SMG6: variants seen among roughly 807,000 people sequenced by gnomAD.
SMG6 encodes the protein SMG6 nonsense mediated mRNA decay factor, also known as telomerase-binding protein EST1A.
Under a neutral mutation model 142.2 loss-of-function variants are expected in SMG6, and 66 were observed. The observed-to-expected ratio is 0.46, with a 90% CI of 0.38 to 0.57. The LOEUF is 0.57. Ranked by LOEUF, SMG6 falls within the 20% of genes least tolerant of loss-of-function variation. The pLI, the probability that SMG6 is intolerant of heterozygous loss-of-function variation, is 0.00. For synonymous variants in SMG6, 779 were observed against 702.4 expected, an observed-to-expected ratio of 1.11 and a Z score of -1.72; for missense variants, 1,793 against 1,832.0, an observed-to-expected ratio of 0.98 and a Z score of 0.39.
intron 13 of SMG6, among the ~76,000 whole-genome samples, chr17:2,093,309 G>A (rs556352018): frequency 2.8e-4 from 43 of 152,198 alleles, no homozygotes; most frequent in Non-Finnish European, 4.9e-4. Context: ...TATGGTCCGA[G>A]CTAACTAGGA....
At chr17:2,234,101 T>A (rs1429059243) in intron 10 of SMG6, among the ~76,000 whole-genome samples, 1 of 152,144 alleles carries the variant, frequency 6.6e-6, no homozygotes, top group Non-Finnish European at 1.5e-5. Flanking sequence ...TATTTTTCCA[T>A]GTCTCTCCTG....
Position 2,061,351 on chromosome 17 carries a change from C to T in SMG6, c.*141G>A. 3 of 826,346 alleles carry T rather than the reference C, an allele frequency of 3.6e-6. No individual in the cohort carries two copies. The highest frequency in any genetic ancestry group is 5.6e-6 in the Non-Finnish European group (3 of 538,032). The allele number at this position is 826,346 out of a possible 1,614,324, so 51.2% of individuals were successfully genotyped here. A position where few individuals can be genotyped will look rare whatever the true frequency, so the allele number is the denominator to read the frequency against. ...GAGGAGCAGGTCCCCCACAGCATGG[C>T]CGTGGCGTGGGTTGGAAGAGGATGG... On this transcript the variant is annotated 3_prime_UTR_variant, in exon 19 of 19. Transcript: ENST00000263073.
intron 13 of SMG6, among the ~76,000 whole-genome samples, chr17:2,102,051 C>A (rs1333990401): frequency 6.6e-6 from 1 of 152,166 alleles, no homozygotes; most frequent in Non-Finnish European, 1.5e-5. Flanking sequence ...GTGGGTGACA[C>A]GCCACAGTCT....
intron 10 of SMG6, 26 bp from the exon 11 acceptor site, chr17:2,188,541 A>C: frequency 4.8e-5 from 76 of 1,597,664 alleles, no homozygotes; most frequent in Non-Finnish European, 5.9e-5. Context: ...TGAAACTCTC[A>C]GCGCCCCAGG....
intron 8 of SMG6, among the ~76,000 whole-genome samples, chr17:2,268,356 T>C (rs2074469386): frequency 6.6e-6 from 1 of 152,166 alleles, no homozygotes; most frequent in South Asian, 2.1e-4. Context: ...TGATCTATAA[T>C]TGTTTTGCGG....
chr17:2,158,753 C>T (rs540894278), intron 13 of SMG6, among the ~76,000 whole-genome samples: 3 of 150,762 alleles, frequency 2.0e-5, no homozygotes, highest in African/African-American at 4.9e-5. Flanking sequence ...CATGGCTCTA[C>T]GAAAATTACA....
intron 10 of SMG6, chr17:2,229,455 C>A (rs1399918423): frequency 1.3e-5 from 2 of 152,024 alleles, no homozygotes; most frequent in African/African-American, 4.8e-5. Context: ...TTTCTTTTTT[C>A]TGATATCAAA....
intron 9 of SMG6, chr17:2,237,590 C>T: frequency 1.0e-6 from 1 of 985,068 alleles, no homozygotes. Context: ...TGTTTTCAGG[C>T]CAGTGGAAAT....
intron 12 of SMG6, among the ~76,000 whole-genome samples, chr17:2,178,794 A>G (rs2071722016): frequency 6.6e-6 from 1 of 152,100 alleles, no homozygotes; most frequent in African/African-American, 2.4e-5. Context: ...CCCCTAGGGG[A>G]TCCTGACATC....
intron 8 of SMG6, among the ~76,000 whole-genome samples, chr17:2,253,119 TTTTATTTATTTATTTATTTA>T (rs10528623): frequency 7.7e-6 from 1 of 130,652 alleles, no homozygotes; most frequent in Non-Finnish European, 1.6e-5. Flanking sequence ...AAATATTTTA[TTTTATTTATTTATTTATTTA>T]TTTATTTATT....
chr17:2,064,825 C>T (rs2067891062), intron 18 of SMG6, among the ~76,000 whole-genome samples: 1 of 152,062 alleles, frequency 6.6e-6, no homozygotes, highest in African/African-American at 2.4e-5. Context: ...GGGTGAAGAA[C>T]CTCGCGGCCT....
intron 13 of SMG6, among the ~76,000 whole-genome samples, chr17:2,104,636 G>A (rs2069105030): frequency 7.3e-6 from 1 of 136,814 alleles, no homozygotes; most frequent in African/African-American, 3.1e-5. Context: ...CTTTCTTGGT[G>A]GCCTAAATAT....
intron 8 of SMG6, among the ~76,000 whole-genome samples, chr17:2,265,314 A>G (rs771407568): frequency 2.0e-5 from 3 of 152,200 alleles, no homozygotes; most frequent in Non-Finnish European, 4.4e-5. Context: ...GTTCGAGACC[A>G]GACTGGCCAA....
chr17:2,147,892 C>A (rs1210917703), intron 13 of SMG6, among the ~76,000 whole-genome samples: 2 of 152,120 alleles, frequency 1.3e-5, no homozygotes, highest in Non-Finnish European at 2.9e-5. Flanking sequence ...GACGATTCTT[C>A]AAAAAATTAA....
intron 8 of SMG6, among the ~76,000 whole-genome samples, chr17:2,273,944 G>C (rs756870279): frequency 1.1e-4 from 16 of 152,198 alleles, no homozygotes; most frequent in Non-Finnish European, 1.8e-4. Flanking sequence ...TGAATTTATT[G>C]AATGTATAGA....
At chr17:2,094,893 A>C (rs922319052) in intron 13 of SMG6, 2 of 152,208 alleles carry the variant, frequency 1.3e-5, no homozygotes, top group African/African-American at 4.8e-5. Flanking sequence ...GACAGAAACT[A>C]TTCTTTTCTA....
At chr17:2,247,407 T>G (rs912264631) in intron 8 of SMG6, among the ~76,000 whole-genome samples, 1 of 152,244 alleles carries the variant, frequency 6.6e-6, no homozygotes, top group Admixed American at 6.5e-5. Context: ...AATCATAAAT[T>G]GGTTAATTCA....
At chr17:2,132,407 T>C (rs2070152234) in intron 13 of SMG6, among the ~76,000 whole-genome samples, 1 of 152,308 alleles carries the variant, frequency 6.6e-6, no homozygotes, top group South Asian at 2.1e-4. Flanking sequence ...AAGCCCAGTC[T>C]ACATGTGGAC....
At chr17:2,149,374 A>AAAAC (rs1359856901) in intron 13 of SMG6, among the ~76,000 whole-genome samples, 2 of 145,798 alleles carry the variant, frequency 1.4e-5, no homozygotes, top group Admixed American at 6.9e-5. Context: ...AAAAAAAAAA[A>AAAAC]GGGTTAAAAT....
Sources: allele counts gnomAD v4.1 joint callset (sites outside exome capture counted in the v4.1 genomes callset), GRCh38; gene constraint gnomAD v4.1.1; transcripts MANE v1.5; gene names NCBI Gene and HGNC (gene_info 2026-07-23, HGNC 2026-07-21).